Variants in RAB11FIP3 observed in about 807,000 individuals in gnomAD.
The protein encoded by RAB11FIP3 is RAB11 family interacting protein 3.
A neutral mutation model predicts 77.8 loss-of-function variants in RAB11FIP3; 17 were observed. The observed-to-expected ratio is 0.22, with a 90% CI of 0.15 to 0.33. RAB11FIP3 has a LOEUF of 0.33. Ranked by LOEUF, RAB11FIP3 falls within the 10% of genes least tolerant of loss-of-function variation. RAB11FIP3 has a pLI of 1.00. For missense variants in RAB11FIP3, 1,005 were observed against 1,011.2 expected (o/e 0.99, Z 0.08); for synonymous variants, 437 against 448.2 (o/e 0.98, Z 0.31).
chr16:461,795 T>C lies in RAB11FIP3; in HGVS notation c.808+298T>C, dbSNP rs1042781667. On this transcript the variant is annotated intron_variant, in intron 2 of 13. Coordinates refer to ENST00000262305, the MANE Select transcript of RAB11FIP3 (RefSeq NM_014700.4). This position sits in a 1 kb window ranked among gnomAD's most constrained non-coding sequence, Gnocchi z 4.5. Reference sequence around the variant, plus strand: ...GAGAATTTTCAAAATATTGAAAGAATGATTCCATGGCCACCCAAGTGGGTG... The same window carrying C: ...GAGAATTTTCAAAATATTGAAAGAACGATTCCATGGCCACCCAAGTGGGTG... Among the ~76,000 whole-genome samples the C allele has an allele frequency of 6.6e-6, 1 of 152,214 alleles. No homozygotes were observed. Among genetic ancestry groups the C allele is most frequent in the Non-Finnish European group, 1.5e-5 (1 of 68,034 alleles).
Position 522,759 on chromosome 16 carries a change from TTGGGCAGCACAGGGCTGTG to T in RAB11FIP3, c.*1927_*1945del, listed in dbSNP as rs1340067971. ...GGTGGGGCAGGTGGGGCGGGGCAAA[TTGGGCAGCACAGGGCTGTG>T]TGGGCATCAGGGCTCTGGGTCACAC... On this transcript the variant is annotated 3_prime_UTR_variant, in exon 14 of 14. Transcript: ENST00000262305. The T allele has an allele frequency of 1.3e-5, 2 of 152,212 alleles. No individual in the cohort carries two copies. The highest frequency in any genetic ancestry group is 6.5e-5 in the Admixed American group (1 of 15,270). The allele number at this position is 152,212 out of a possible 1,614,324, so 9.4% of individuals were successfully genotyped here.
intron 6 of RAB11FIP3, among the ~76,000 whole-genome samples, chr16:497,939 CAA>C (rs747783090): frequency 8.7e-5 from 4 of 46,126 alleles, no homozygotes; most frequent in Admixed American, 2.3e-4. Flanking sequence ...CCTGTCTCTA[CAA>C]AAAAAAAAAA....
rs2032726500 is a variant in RAB11FIP3 at position 522,135 on chromosome 16, G to A, written c.*1296G>A. On this transcript the variant is annotated 3_prime_UTR_variant, in exon 14 of 14. Coordinates refer to ENST00000262305, the MANE Select transcript of RAB11FIP3 (RefSeq NM_014700.4). ...TGGGGAAAGCCTTGGGTGTAAATCA[G>A]TGTAAACTTGGAGGAGAGATTTTTC... 1 of 151,752 alleles carries A rather than the reference G, an allele frequency of 6.6e-6. No individual in the cohort carries two copies. The highest frequency in any genetic ancestry group is 2.1e-4 in the South Asian group (1 of 4,824). The allele number at this position is 151,752 out of a possible 1,614,324, so 9.4% of individuals were successfully genotyped here. A position where few individuals can be genotyped will look rare whatever the true frequency, so the allele number is the denominator to read the frequency against.
intron 5 of RAB11FIP3, among the ~76,000 whole-genome samples, chr16:496,602 G>T (rs1285104181): frequency 2.6e-5 from 4 of 152,238 alleles, no homozygotes; most frequent in East Asian, 3.8e-4. Context: ...CTCTTTGGGG[G>T]CTGGAGTAAC....
chr16:490,933 C>T (rs1044906452), intron 5 of RAB11FIP3, among the ~76,000 whole-genome samples: 1 of 152,204 alleles, frequency 6.6e-6, no homozygotes, highest in Admixed American at 6.5e-5. Context: ...GGTGCCTGTC[C>T]TGGGCTCCTG....
At chr16:519,670 G>C in intron 10 of RAB11FIP3, 84 bp from the exon 11 acceptor site, 1 of 1,540,460 alleles carries the variant, frequency 6.5e-7, no homozygotes, top group Non-Finnish European at 8.8e-7. Context: ...GAGACTCAGA[G>C]ATTGGAGGGA....
chr16:432,337 A>G (rs936921783), intron 1 of RAB11FIP3, among the ~76,000 whole-genome samples: 13 of 152,080 alleles, frequency 8.5e-5, no homozygotes, highest in African/African-American at 2.9e-4. Flanking sequence ...AGATCTTGCC[A>G]TTGCACTCCA....
At chr16:470,851 ATGT>A (rs2055795406) in intron 2 of RAB11FIP3, among the ~76,000 whole-genome samples, 2 of 152,274 alleles carry the variant, frequency 1.3e-5, no homozygotes, top group South Asian at 2.1e-4. Flanking sequence ...CCAGGAAAAG[ATGT>A]TGTTTTTGTA....
At chr16:427,471 A>G (rs1324383789) in intron 1 of RAB11FIP3, among the ~76,000 whole-genome samples, 1 of 152,228 alleles carries the variant, frequency 6.6e-6, no homozygotes, top group Non-Finnish European at 1.5e-5. Flanking sequence ...CGCGGTCCTC[A>G]GGGCACCTGC....
intron 3 of RAB11FIP3, among the ~76,000 whole-genome samples, chr16:480,210 G>A (rs182420662): frequency 3.0e-4 from 42 of 140,646 alleles, no homozygotes; most frequent in African/African-American, 1.1e-3. Flanking sequence ...TTTTGAACCC[G>A]GGAGGTGTAG....
chr16:475,988 T>A (rs1436515058), intron 3 of RAB11FIP3, among the ~76,000 whole-genome samples: 1 of 152,218 alleles, frequency 6.6e-6, no homozygotes, highest in African/African-American at 2.4e-5. Context: ...CCTGAGTAGC[T>A]GGGATTACAG....
Position 506,549 on chromosome 16 carries a change from T to G in RAB11FIP3, c.1499+922T>G, listed in dbSNP as rs2031884392. ...CTTCATCACCACTGAGCAGGTAGAT[T>G]CAGGGCTCTGAGCAGCCTGCACACA... On this transcript the variant is annotated intron_variant, in intron 8 of 13. Coordinates refer to ENST00000262305, the MANE Select transcript of RAB11FIP3 (RefSeq NM_014700.4). This position sits in a 1 kb window ranked among gnomAD's most constrained non-coding sequence, Gnocchi z 4.5. Among the ~76,000 whole-genome samples the G allele has an allele frequency of 1.3e-5, 2 of 152,166 alleles. No individual in the cohort carries two copies. The highest frequency in any genetic ancestry group is 2.4e-5 in the African/African-American group (1 of 41,448).
intron 5 of RAB11FIP3, among the ~76,000 whole-genome samples, chr16:491,664 A>T (rs993943734): frequency 1.3e-5 from 2 of 152,216 alleles, no homozygotes; most frequent in Non-Finnish European, 2.9e-5. Context: ...GTTTAAATGG[A>T]GTTTTGAATA....
At chr16:433,756 T>TGA (rs2055080868) in intron 1 of RAB11FIP3, among the ~76,000 whole-genome samples, 1 of 150,278 alleles carries the variant, frequency 6.7e-6, no homozygotes, top group Non-Finnish European at 1.5e-5. Flanking sequence ...CTTGGGAGGC[T>TGA]GAGGCAGGAG....
At position 487,705 on chromosome 16, in the gene RAB11FIP3, C is replaced by T. The variant is rs533910045; in HGVS notation, c.1116-1146C>T. 3.9e-5 allele frequency among the ~76,000 whole-genome samples: 6 copies of T among 152,128 alleles called. No homozygotes were observed. In the South Asian group the frequency reaches 6.2e-4, roughly 16 times the overall value. On this transcript the variant is annotated intron_variant, in intron 4 of 13. Transcript: ENST00000262305. Reference sequence around the variant, plus strand: ...CCTGCGGGAGGGTGGGAGTGGGGACCGCTAGGGCACAGGAGCCGCTGAAGG... The same window carrying T: ...CCTGCGGGAGGGTGGGAGTGGGGACTGCTAGGGCACAGGAGCCGCTGAAGG...
At chr16:448,295 C>G (rs1488092026) in intron 1 of RAB11FIP3, among the ~76,000 whole-genome samples, 2 of 144,356 alleles carry the variant, frequency 1.4e-5, no homozygotes, top group Non-Finnish European at 3.0e-5. Flanking sequence ...CTAGCCTGGG[C>G]AATGAGGGAA....
intron 3 of RAB11FIP3, among the ~76,000 whole-genome samples, chr16:479,233 A>C (rs2055983922): frequency 6.6e-6 from 1 of 152,104 alleles, no homozygotes; most frequent in Non-Finnish European, 1.5e-5. Context: ...CTCTACAAAA[A>C]AATACAAAAT....
chr16:519,039 G>A lies in RAB11FIP3; in HGVS notation c.1722+15G>A. ...GTCTGGAGGAGGTGAGCTGCCAACAGCCTGGAGCTGTGGCCAGTGGGGCCA... is the reference window on the plus strand; with the variant it reads ...GTCTGGAGGAGGTGAGCTGCCAACAACCTGGAGCTGTGGCCAGTGGGGCCA... On this transcript the variant is annotated intron_variant, in intron 10 of 13. Transcript: ENST00000262305. 2 of 1,612,344 alleles carry A rather than the reference G, an allele frequency of 1.2e-6. No homozygotes were observed. The highest frequency in any genetic ancestry group is 1.7e-6 in the Non-Finnish European group (2 of 1,179,428).
intron 1 of RAB11FIP3, among the ~76,000 whole-genome samples, chr16:429,348 G>A (rs1368752774): frequency 1.3e-5 from 2 of 151,906 alleles, no homozygotes; most frequent in Non-Finnish European, 2.9e-5. Flanking sequence ...TTTTAAAAAC[G>A]CTAGGGAACA....
Sources: gnomAD v4.1 joint callset for allele counts (sites outside exome capture counted in the v4.1 genomes callset) on GRCh38, gnomAD v4.1.1 for gene constraint, Gnocchi (gnomAD v3.1) non-coding constraint, MANE v1.5 for transcripts, NCBI Gene and HGNC (gene_info 2026-07-23, HGNC 2026-07-21) for gene names.